The following LINGO1 variants were observed in gnomAD, a reference collection of about 807,000 sequenced individuals.
LINGO1 encodes leucine-rich repeat and immunoglobulin-like domain-containing nogo receptor-interacting protein 1.
A neutral mutation model predicts 37.3 loss-of-function variants in LINGO1; 11 were observed. The observed-to-expected ratio is 0.29, with a 90% CI of 0.19 to 0.49. The LOEUF (loss-of-function observed/expected upper bound fraction) is 0.49, where lower values mean the gene tolerates loss of function less well. LINGO1 is among the 20% of genes least tolerant of loss of function. The pLI is 0.99. For missense variants in LINGO1, 585 were observed against 878.2 expected (o/e 0.67, Z 4.22); for synonymous variants, 387 against 403.0 (o/e 0.96, Z 0.48).
At chr15:77,640,713 G>A (rs577869777) in intron 3 of LINGO1, among the ~76,000 whole-genome samples, 1 of 152,276 alleles carries the variant, frequency 6.6e-6, no homozygotes, top group Admixed American at 6.5e-5. Context: ...GTCTGGAGGA[G>A]TCCAGAGGAG....
intron 3 of LINGO1, among the ~76,000 whole-genome samples, chr15:77,653,149 C>A (rs2074797724): frequency 6.6e-6 from 1 of 152,220 alleles, no homozygotes. Context: ...GGTCACACAG[C>A]CTTGTGGTTT....
At chr15:77,700,175 G>T (rs979056065), upstream of LINGO1, among the ~76,000 whole-genome samples, 3 of 152,132 alleles carry the variant, frequency 2.0e-5, no homozygotes, top group African/African-American at 7.2e-5. Context: ...CCTGCTCCCG[G>T]CCTCCTCAGG....
At chr15:77,621,371 T>C (rs1167365600) in intron 1 of LINGO1, among the ~76,000 whole-genome samples, 1 of 152,242 alleles carries the variant, frequency 6.6e-6, no homozygotes, top group African/African-American at 2.4e-5. Flanking sequence ...TGGGGCTTTA[T>C]ACCCATTGTC....
At chr15:77,662,673 A>C (rs1399588505) in intron 3 of LINGO1, among the ~76,000 whole-genome samples, 2 of 152,122 alleles carry the variant, frequency 1.3e-5, no homozygotes, top group African/African-American at 4.8e-5. Flanking sequence ...TCTGTGACCT[A>C]AAAATCAATC....
intron 1 of LINGO1, among the ~76,000 whole-genome samples, chr15:77,770,461 C>T (rs986759244): frequency 6.6e-6 from 1 of 152,000 alleles, no homozygotes; most frequent in African/African-American, 2.4e-5. Flanking sequence ...GTGGTGCATG[C>T]CTGTAATTCC....
intron 1 of LINGO1, among the ~76,000 whole-genome samples, chr15:77,747,386 C>T (rs776479808): frequency 1.3e-5 from 2 of 152,194 alleles, no homozygotes; most frequent in African/African-American, 4.8e-5. Flanking sequence ...CTCAGCTCAG[C>T]ATGCCCAGGG....
intron 2 of LINGO1, among the ~76,000 whole-genome samples, chr15:77,706,427 A>G (rs1189560783): frequency 1.3e-5 from 2 of 152,116 alleles, no homozygotes; most frequent in African/African-American, 4.8e-5. Flanking sequence ...AAAACCCTCC[A>G]GCAACTTCCT....
chr15:77,665,985 C>T (rs977259114), intron 3 of LINGO1, among the ~76,000 whole-genome samples: 2 of 152,236 alleles, frequency 1.3e-5, no homozygotes, highest in African/African-American at 4.8e-5. Flanking sequence ...TGAGCCCTGG[C>T]TATGCTTCCC....
chr15:77,753,482 C>T (rs1474960026), intron 1 of LINGO1, among the ~76,000 whole-genome samples: 1 of 152,194 alleles, frequency 6.6e-6, no homozygotes. Context: ...AGCAGCCCTC[C>T]CTGGGGCTGG....
In LINGO1 at chr15:77,614,058, T is replaced by A. The variant is rs1001008204; in HGVS notation, c.1849A>T (p.Met617Leu). Residue 617 changes from methionine (M) to leucine (L), a missense_variant, in exon 2 of 2, where the codon ATG (methionine) becomes TTG (leucine). By Grantham distance (15) the Met-to-Leu change is conservative. Coordinates refer to ENST00000355300, the MANE Select transcript of LINGO1 (RefSeq NM_032808.7). ...CCGCCCCGGCCTCATATCATCTTCATGTTGAACTTGCGGGGCGCGTCGGCG... is the reference window on the plus strand; with the variant it reads ...CCGCCCCGGCCTCATATCATCTTCAAGTTGAACTTGCGGGGCGCGTCGGCG... ...SSADAPRKFNMKMI is the reference protein window; with the variant it reads ...SSADAPRKFNLKMI The A allele has an allele frequency of 3.8e-6, 6 of 1,591,918 alleles. No individual in the cohort carries two copies. The highest frequency in any genetic ancestry group is 5.1e-6 in the Non-Finnish European group (6 of 1,168,994).
chr15:77,777,458 C>CAGATTTTGG (rs750986483), intron 1 of LINGO1, among the ~76,000 whole-genome samples: 68,650 of 130,606 alleles, frequency 0.53, 16,792 homozygotes, highest in South Asian at 0.62. Context: ...TGGACATATA[C>CAGATTTTGG]ACACACGCAC....
At chr15:77,715,141 G>T (rs1458050569) in intron 2 of LINGO1, among the ~76,000 whole-genome samples, 1 of 152,174 alleles carries the variant, frequency 6.6e-6, no homozygotes, top group East Asian at 1.9e-4. Context: ...CGTGGGATGT[G>T]GCAATGCGAC....
chr15:77,715,164 G>T lies in LINGO1; in HGVS notation c.-195+19828C>A, dbSNP rs137898645. Among the ~76,000 whole-genome samples, 635 of 152,262 alleles carry T rather than the reference G, an allele frequency of 4.2e-3. 6 individuals are homozygous for T. Among genetic ancestry groups the T allele is most frequent in the African/African-American group, 0.014 (568 of 41,526 alleles). On this transcript the variant is annotated intron_variant, in intron 2 of 3. Coordinates refer to the LINGO1 transcript ENST00000561686. Reference sequence around the variant, plus strand: ...GTGGCAATGCGACACTTCATGGCTGGCATGCTGCACGTACCCCATATGGGG... The same window carrying T: ...GTGGCAATGCGACACTTCATGGCTGTCATGCTGCACGTACCCCATATGGGG...
At chr15:77,782,044 G>A (rs1331042830) in intron 1 of LINGO1, among the ~76,000 whole-genome samples, 1 of 152,230 alleles carries the variant, frequency 6.6e-6, no homozygotes, top group Non-Finnish European at 1.5e-5. Context: ...AGCAGTTTTT[G>A]GAGGAAAACG....
At chr15:77,628,229 C>T (rs530015310) in intron 1 of LINGO1, among the ~76,000 whole-genome samples, 2 of 152,362 alleles carry the variant, frequency 1.3e-5, no homozygotes, top group South Asian at 4.1e-4. Flanking sequence ...CCCAGAGACA[C>T]TGCATGTTGC....
At chr15:77,675,386 T>C (rs936500045) in intron 3 of LINGO1, among the ~76,000 whole-genome samples, 1 of 152,216 alleles carries the variant, frequency 6.6e-6, no homozygotes, top group Non-Finnish European at 1.5e-5. Context: ...CCTAAATGGC[T>C]GCCAACAGGA....
At chr15:77,744,839 G>T (rs2076297485) in intron 1 of LINGO1, among the ~76,000 whole-genome samples, 1 of 152,172 alleles carries the variant, frequency 6.6e-6, no homozygotes, top group South Asian at 2.1e-4. Flanking sequence ...TTCCTAGCCG[G>T]GCACAGTGGC....
In LINGO1 at chr15:77,748,616, C is replaced by A. The variant is rs150096975; in HGVS notation, c.-256-13563G>T. Among the ~76,000 whole-genome samples, 538 of 152,342 alleles carry A rather than the reference C, an allele frequency of 3.5e-3. 1 individual carries two copies. Among genetic ancestry groups the A allele is most frequent in the African/African-American group, 0.012 (516 of 41,584 alleles). ...ACACATGGAGGAAGGCGGGCCCCTG[C>A]CTTTTCCTCCCCACAACTCTGCTCC... is the stretch of plus-strand genomic sequence containing the variant. On this transcript the variant is annotated intron_variant, in intron 1 of 3. Transcript: ENST00000561686.
At chr15:77,618,935 G>T in intron 1 of LINGO1, among the ~76,000 whole-genome samples, 1 of 149,594 alleles carries the variant, frequency 6.7e-6, no homozygotes. Flanking sequence ...CTGGTATATA[G>T]CACACCTCAT....
Sources: allele counts gnomAD v4.1 joint callset (sites outside exome capture counted in the v4.1 genomes callset), GRCh38; gene constraint gnomAD v4.1.1; transcripts MANE v1.5; gene names NCBI Gene and HGNC (gene_info 2026-07-23, HGNC 2026-07-21).